Variants in TRRAP observed in about 807,000 individuals in gnomAD.
The protein encoded by TRRAP is transformation/transcription domain associated protein.
TRRAP carries 41 observed loss-of-function variants against 438.8 expected under a neutral mutation model. The ratio of observed to expected loss-of-function variants is 0.09; its 90% CI spans 0.07 to 0.12. The LOEUF (loss-of-function observed/expected upper bound fraction) is 0.12, where lower values mean the gene tolerates loss of function less well. TRRAP is among the 10% of genes least tolerant of loss of function. TRRAP has a pLI of 1.00. For synonymous variants in TRRAP, 1,994 were observed against 1,962.9 expected (o/e 1.02, Z -0.42); for missense variants, 3,122 against 5,055.1 (o/e 0.62, Z 11.60).
At chr7:98,902,786 C>A (rs1796527336) in intron 11 of TRRAP, among the ~76,000 whole-genome samples, 1 of 151,392 alleles carries the variant, frequency 6.6e-6, no homozygotes, top group African/African-American at 2.4e-5. Context: ...CAAGTAATTA[C>A]CTTAAAAAAA....
intron 1 of TRRAP, among the ~76,000 whole-genome samples, chr7:98,878,982 T>C (rs905576942): frequency 5.3e-5 from 8 of 151,892 alleles, no homozygotes; most frequent in Admixed American, 2.6e-4. Context: ...GGGTGGGACG[T>C]TGGGGGCCTG....
chr7:98,960,783 G>GTT (rs1440998922), intron 45 of TRRAP, among the ~76,000 whole-genome samples: 2 of 151,670 alleles, frequency 1.3e-5, no homozygotes, highest in African/African-American at 4.8e-5. Flanking sequence ...GTGTGTGTGT[G>GTT]TGTGTGTATT....
chr7:98,882,723 G>A (rs530135615), intron 3 of TRRAP, among the ~76,000 whole-genome samples: 12 of 152,092 alleles, frequency 7.9e-5, no homozygotes, highest in African/African-American at 2.4e-4. Flanking sequence ...GTGCAGTGGC[G>A]TGATCTTGGC....
At chr7:98,893,380 T>C (rs911654175) in intron 5 of TRRAP, among the ~76,000 whole-genome samples, 1 of 152,228 alleles carries the variant, frequency 6.6e-6, no homozygotes, top group Non-Finnish European at 1.5e-5. Context: ...CCCTGAGATA[T>C]CATGCCCTCA....
chr7:98,896,040 A>G (rs1796185053), intron 7 of TRRAP, among the ~76,000 whole-genome samples: 1 of 152,200 alleles, frequency 6.6e-6, no homozygotes, highest in African/African-American at 2.4e-5. Flanking sequence ...TTTTTTGTAC[A>G]TAAAGGCAAT....
intron 27 of TRRAP, among the ~76,000 whole-genome samples, chr7:98,933,633 C>T (rs1554413510): frequency 1.3e-5 from 2 of 152,206 alleles, no homozygotes; most frequent in Admixed American, 1.3e-4. Flanking sequence ...TCTCAGAACT[C>T]TGTTAGCCCC....
chr7:98,903,768 C>G (rs563980267), intron 12 of TRRAP, among the ~76,000 whole-genome samples: 24 of 152,258 alleles, frequency 1.6e-4, no homozygotes, highest in Non-Finnish European at 1.9e-4. Context: ...TATGGACTTA[C>G]AGTTCCACGT....
Position 98,994,954 on chromosome 7 carries a change from C to G in TRRAP, c.10309+106C>G. ...GATCCTTGGTTTTCTGATCACTGCA[C>G]GGGGCACACTGGTTACACTCTGTTT... is the stretch of plus-strand genomic sequence containing the variant. On this transcript the variant is annotated intron_variant, in intron 67 of 72. Transcript: ENST00000456197. The surrounding 1 kb of genome is among the most constrained non-coding windows in gnomAD (Gnocchi z 4.8). The G allele has an allele frequency of 6.9e-7, 1 of 1,454,906 alleles. No homozygotes were observed. The allele number at this position is 1,454,906 out of a possible 1,614,324, so 90.1% of individuals were successfully genotyped here.
At position 98,937,891 on chromosome 7, in the gene TRRAP, G is replaced by A. The variant is rs1412687925; in HGVS notation, c.4404+71G>A. ...TTAAATTATTTTAAAAATAAATAAT[G>A]CAGCTGGGCACAGTGGTTCACGCCT... On this transcript the variant is annotated intron_variant, in intron 30 of 72. Transcript: ENST00000456197. 1.4e-5 allele frequency: 21 copies of A among 1,453,884 alleles called. No homozygotes were observed. The Admixed American group carries it at 3.2e-4, about 22-fold the overall frequency. The allele number at this position is 1,453,884 out of a possible 1,614,324, so 90.1% of individuals were successfully genotyped here.
chr7:99,005,299 C>G lies in TRRAP; in HGVS notation c.10704C>G (p.Pro3568=). Residue 3568 remains proline (P), a synonymous_variant, in exon 69 of 73, where the codon CCC becomes CCG. Transcript: ENST00000456197. The surrounding 1 kb of genome is among the most constrained non-coding windows in gnomAD (Gnocchi z 5.1). ...TGCAGCTGCTGCGTCTGCTGAACCC[C>G]TGTTTGGAGAAGAGAAAGGAGACCA... ...RVLQLLRLLN[P]CLEKRKETTK... is the part of the protein sequence containing the mutation. The G allele has an allele frequency of 1.2e-6, 2 of 1,614,082 alleles. No individual in the cohort carries two copies. The highest frequency in any genetic ancestry group is 1.7e-6 in the Non-Finnish European group (2 of 1,180,032).
At chr7:98,975,922 T>C (rs969336860) in intron 53 of TRRAP, 1 of 520,398 alleles carries the variant, frequency 1.9e-6, no homozygotes, top group African/African-American at 1.9e-5. Flanking sequence ...GCGCCATTGC[T>C]GAGCCTCTCG....
chr7:98,975,698 AGTTCTTGATTT>A (rs1431199174), intron 53 of TRRAP, among the ~76,000 whole-genome samples: 12 of 152,186 alleles, frequency 7.9e-5, no homozygotes, highest in African/African-American at 2.9e-4. Flanking sequence ...CTGAACTTTC[AGTTCTTGATTT>A]GTTCTTCAGA....
intron 20 of TRRAP, among the ~76,000 whole-genome samples, chr7:98,919,019 T>C (rs74405116): frequency 0.033 from 4,979 of 151,830 alleles, 90 homozygotes; most frequent in South Asian, 0.054. Context: ...GGTTGATATG[T>C]TAAAGTTAGT....
intron 4 of TRRAP, 113 bp downstream of exon 4, chr7:98,890,558 T>C (rs1190699533): frequency 2.6e-6 from 2 of 756,662 alleles, no homozygotes; most frequent in Non-Finnish European, 2.0e-6. Context: ...TTTTGTCACA[T>C]AAGGATAACT....
chr7:98,917,271 G>T, intron 19 of TRRAP, 152 bp from the exon 20 acceptor site: 1 of 1,011,514 alleles, frequency 9.9e-7, no homozygotes, highest in Admixed American at 2.3e-5. Flanking sequence ...TTATTGGACA[G>T]ATGTAACAGG....
chr7:98,942,894 A>G (rs1322259500), intron 30 of TRRAP, 55 bp from the exon 31 acceptor site: 1 of 1,586,072 alleles, frequency 6.3e-7, no homozygotes, highest in Non-Finnish European at 8.7e-7. Flanking sequence ...AGTAGTTTCC[A>G]CCAGTGGAAT....
intron 52 of TRRAP, among the ~76,000 whole-genome samples, chr7:98,971,210 T>G (rs116709744): frequency 0.012 from 1,788 of 152,358 alleles, 31 homozygotes; most frequent in African/African-American, 0.04. Context: ...ATTTGGTCTT[T>G]TCTTTCTGTA....
chr7:98,969,720 C>T lies in TRRAP; in HGVS notation c.7513-392C>T, dbSNP rs113166298. ...ACTCACACGGGGAAGCCTACACTGTCGCCTGAGGCTGCGGGAAGCTATGGG... is the reference window on the plus strand; with the variant it reads ...ACTCACACGGGGAAGCCTACACTGTTGCCTGAGGCTGCGGGAAGCTATGGG... On this transcript the variant is annotated intron_variant, in intron 51 of 72. Transcript: ENST00000456197. Among the ~76,000 whole-genome samples the T allele has an allele frequency of 4.1e-3, 574 of 138,664 alleles. 2 individuals are homozygous for T. Among genetic ancestry groups the T allele is most frequent in the African/African-American group, 0.013 (505 of 37,584 alleles). 91.0% of individuals were successfully genotyped at this position (138,664 alleles called of 152,430 possible). A position where few individuals can be genotyped will look rare whatever the true frequency, so the allele number is the denominator to read the frequency against.
chr7:98,908,219 A>G lies in TRRAP; in HGVS notation c.1116-509A>G, dbSNP rs1437491086. On this transcript the variant is annotated intron_variant, in intron 13 of 72. Transcript: ENST00000456197. This position sits in a 1 kb window ranked among gnomAD's most constrained non-coding sequence, Gnocchi z 4.1. ...CTTTACTTGTGTGTTCTCTGCTGTA[A>G]GTAAGCTTCCTGAGGACTGGGGCTC... Among the ~76,000 whole-genome samples the G allele has an allele frequency of 6.6e-6, 1 of 152,160 alleles. No homozygotes were observed. The highest frequency in any genetic ancestry group is 1.5e-5 in the Non-Finnish European group (1 of 68,030).
Sources: allele counts gnomAD v4.1 joint callset (sites outside exome capture counted in the v4.1 genomes callset), GRCh38; gene constraint gnomAD v4.1.1; non-coding constraint Gnocchi (gnomAD v3.1); transcripts MANE v1.5; gene names NCBI Gene and HGNC (gene_info 2026-07-23, HGNC 2026-07-21).